Variants in PRKG1 observed in about 807,000 individuals in gnomAD.
PRKG1 encodes protein kinase cGMP-dependent 1.
PRKG1 carries 35 observed loss-of-function variants against 88.1 expected under a neutral mutation model. That is an observed-to-expected ratio of 0.40 (90% CI 0.30 to 0.53). The LOEUF is 0.53. PRKG1 is among the 20% of genes least tolerant of loss of function. The pLI is 0.59. For missense variants in PRKG1, 540 were observed against 839.8 expected, an observed-to-expected ratio of 0.64 and a Z score of 4.41; for synonymous variants, 303 against 292.5, an observed-to-expected ratio of 1.04 and a Z score of -0.37.
chr10:51,952,448 T>C (rs987044023), intron 5 of PRKG1, among the ~76,000 whole-genome samples: 3 of 152,190 alleles, frequency 2.0e-5, no homozygotes, highest in Non-Finnish European at 4.4e-5. Context: ...TTTTGGACAA[T>C]ACAATATGAT....
chr10:51,594,016 G>A (rs1470331037), intron 3 of PRKG1, among the ~76,000 whole-genome samples: 2 of 151,724 alleles, frequency 1.3e-5, no homozygotes, highest in African/African-American at 2.4e-5. Flanking sequence ...GTGGGCCACC[G>A]TGCCTGTACC....
Position 51,484,648 on chromosome 10 carries a change from A to G in PRKG1, c.592+16812A>G, listed in dbSNP as rs557500972. On this transcript the variant is annotated intron_variant, in intron 3 of 17. Transcript: ENST00000373980. ...ATCAAAGTTTTATTGAGCACCTACT[A>G]TCTCCAAGCCCCCACGTGAGACTCA... 7.9e-5 allele frequency among the ~76,000 whole-genome samples: 12 copies of G among 152,226 alleles called. No homozygotes were observed. In the South Asian group the frequency reaches 2.5e-3, roughly 32 times the overall value.
At chr10:51,043,663 A>G (rs933195972) in intron 1 of PRKG1, among the ~76,000 whole-genome samples, 2 of 152,172 alleles carry the variant, frequency 1.3e-5, no homozygotes, top group Non-Finnish European at 2.9e-5. Flanking sequence ...TTAACCACCT[A>G]TACCACAAAC....
chr10:51,582,251 G>A (rs1838059104), intron 3 of PRKG1, among the ~76,000 whole-genome samples: 1 of 152,198 alleles, frequency 6.6e-6, no homozygotes, highest in Non-Finnish European at 1.5e-5. Context: ...AGCCGTGCTT[G>A]TTCTTGGGGC....
chr10:51,748,849 AT>A (rs1178777134), intron 3 of PRKG1, among the ~76,000 whole-genome samples: 2 of 152,342 alleles, frequency 1.3e-5, no homozygotes, highest in Admixed American at 6.5e-5. Context: ...ATCCAATCAT[AT>A]GCTACTATAA....
chr10:51,943,427 T>C (rs918228164), intron 5 of PRKG1, among the ~76,000 whole-genome samples: 1 of 152,068 alleles, frequency 6.6e-6, no homozygotes, highest in African/African-American at 2.4e-5. Flanking sequence ...CCTCTTTTCC[T>C]AATTGAATAC....
At chr10:51,518,629 G>A (rs1316231788) in intron 3 of PRKG1, among the ~76,000 whole-genome samples, 1 of 152,182 alleles carries the variant, frequency 6.6e-6, no homozygotes, top group Non-Finnish European at 1.5e-5. Context: ...ATTCCAGTGG[G>A]AGATAATGAG....
intron 5 of PRKG1, among the ~76,000 whole-genome samples, chr10:51,955,393 G>T (rs1370641378): frequency 6.6e-6 from 1 of 152,074 alleles, no homozygotes; most frequent in Non-Finnish European, 1.5e-5. Context: ...CCATATTGAA[G>T]TACCAAAATA....
chr10:51,347,153 G>C (rs1842131597), intron 2 of PRKG1, among the ~76,000 whole-genome samples: 1 of 151,484 alleles, frequency 6.6e-6, no homozygotes, highest in African/African-American at 2.4e-5. Context: ...AGACAATTTA[G>C]AATACTTGCA....
chr10:51,427,940 C>T (rs1405463819), intron 2 of PRKG1, among the ~76,000 whole-genome samples: 3 of 152,006 alleles, frequency 2.0e-5, no homozygotes, highest in Non-Finnish European at 4.4e-5. Context: ...CATGAGTCAC[C>T]AAAAGTCATG....
At chr10:52,251,374 A>G (rs1841164900) in intron 9 of PRKG1, among the ~76,000 whole-genome samples, 196 bp from the exon 10 acceptor site, 1 of 152,186 alleles carries the variant, frequency 6.6e-6, no homozygotes, top group Non-Finnish European at 1.5e-5. Context: ...ACTTTGAAAC[A>G]CAAGTGCAAA....
intron 3 of PRKG1, among the ~76,000 whole-genome samples, chr10:51,573,837 ATTGT>A (rs1465533833): frequency 6.6e-6 from 1 of 151,928 alleles, no homozygotes; most frequent in African/African-American, 2.4e-5. Context: ...GCAGGTAGAA[ATTGT>A]TTGTATATAA....
intron 10 of PRKG1, among the ~76,000 whole-genome samples, chr10:52,267,041 AATCATCATCATCATC>A (rs71857599): frequency 4.0e-5 from 6 of 150,652 alleles, no homozygotes; most frequent in African/African-American, 7.3e-5. Context: ...CTTGCTAAAA[AATCATCATCATCATC>A]ATCATCATCA....
intron 3 of PRKG1, among the ~76,000 whole-genome samples, chr10:51,636,648 C>T (rs1839663096): frequency 6.6e-6 from 1 of 152,162 alleles, no homozygotes; most frequent in Non-Finnish European, 1.5e-5. Context: ...TGGATAAGAT[C>T]TGGGAAGGCT....
chr10:52,089,124 C>T lies in PRKG1; in HGVS notation c.935+26493C>T, dbSNP rs76053484. Among the ~76,000 whole-genome samples, 880 of 152,156 alleles carry T rather than the reference C, an allele frequency of 5.8e-3. 9 individuals are homozygous for T. Among genetic ancestry groups the T allele is most frequent in the African/African-American group, 0.02 (830 of 41,494 alleles). ...AAATGAAATTATGTTAAATATCTGG[C>T]CATTTAATTAAGTAGGATCGGAACC... On this transcript the variant is annotated intron_variant, in intron 7 of 17. Coordinates refer to ENST00000373980, the MANE Select transcript of PRKG1 (RefSeq NM_006258.4).
intron 5 of PRKG1, among the ~76,000 whole-genome samples, chr10:51,929,957 T>C (rs1280397422): frequency 6.6e-6 from 1 of 152,166 alleles, no homozygotes; most frequent in Non-Finnish European, 1.5e-5. Flanking sequence ...AGAAGCGTTA[T>C]TGGAAATCTC....
At chr10:51,652,743 A>T (rs1025731655) in intron 3 of PRKG1, among the ~76,000 whole-genome samples, 4 of 152,334 alleles carry the variant, frequency 2.6e-5, no homozygotes, top group Admixed American at 1.3e-4. Context: ...AAGAATATTT[A>T]AAATCTATTA....
intron 3 of PRKG1, among the ~76,000 whole-genome samples, chr10:51,694,783 A>G (rs1179709854): frequency 6.6e-6 from 1 of 152,174 alleles, no homozygotes; most frequent in Non-Finnish European, 1.5e-5. Context: ...AAAACACATA[A>G]AAGATTCTGA....
chr10:51,722,522 G>A (rs1842038166), intron 3 of PRKG1, among the ~76,000 whole-genome samples: 1 of 151,742 alleles, frequency 6.6e-6, no homozygotes, highest in Non-Finnish European at 1.5e-5. Context: ...TCTTTACATG[G>A]AAAATTTATT....
Sources: gnomAD v4.1 joint callset for allele counts (sites outside exome capture counted in the v4.1 genomes callset) on GRCh38, gnomAD v4.1.1 for gene constraint, MANE v1.5 for transcripts, NCBI Gene and HGNC (gene_info 2026-07-23, HGNC 2026-07-21) for gene names.